Variants in GALNT13 observed in about 807,000 individuals in gnomAD.
GALNT13 encodes polypeptide N-acetylgalactosaminyltransferase 13, also known as UDP-GalNAc:polypeptide N-acetylgalactosaminyltransferase 13.
In GALNT13, 28 loss-of-function variants were observed where a neutral mutation model predicts 64.2. That is an observed-to-expected ratio of 0.44 (90% CI 0.32 to 0.60). The LOEUF (loss-of-function observed/expected upper bound fraction) is 0.60. GALNT13 is among the 20% of genes least tolerant of loss of function. The probability of loss-of-function intolerance (pLI) is 0.05; values close to 1 mark genes in which losing one functional copy is unlikely to be tolerated. For missense variants in GALNT13, 577 were observed against 669.8 expected (o/e 0.86, Z 1.53); for synonymous variants, 214 against 224.6 (o/e 0.95, Z 0.42).
At position 154,140,326 on chromosome 2, in the gene GALNT13, A is replaced by T. The variant is rs370078254; in HGVS notation, c.143-11A>T. ...TTTGTATGTATGTCTGTATCTCTGT[A>T]TGTCTTACAGCTGTTATTTCAAGAA... On this transcript the variant is annotated splice_polypyrimidine_tract_variant and intron_variant, in intron 3 of 12. Coordinates refer to ENST00000392825, the MANE Select transcript of GALNT13 (RefSeq NM_052917.4). 2.5e-6 allele frequency: 4 copies of T among 1,606,044 alleles called. No individual in the cohort carries two copies. The highest frequency in any genetic ancestry group is 3.3e-5 in the Admixed American group (2 of 59,760).
At chr2:153,906,731 C>T in intron 2 of GALNT13, among the ~76,000 whole-genome samples, 1 of 151,644 alleles carries the variant, frequency 6.6e-6, no homozygotes, top group Non-Finnish European at 1.5e-5. Context: ...TTTATAGCAG[C>T]ATGATTTATA....
the GALNT13 span, among the ~76,000 whole-genome samples, chr2:153,102,625 GC>G: frequency 6.6e-6 from 1 of 152,098 alleles, no homozygotes; most frequent in Non-Finnish European, 1.5e-5. Context: ...ACTCAAACTT[GC>G]AACGTTTGAG....
intron 1 of GALNT13, among the ~76,000 whole-genome samples, chr2:153,873,276 G>A (rs1038966471): frequency 6.6e-6 from 1 of 152,186 alleles, no homozygotes; most frequent in African/African-American, 2.4e-5. Context: ...GGGCGCAAGG[G>A]GTTAGAGTGG....
At chr2:153,631,537 T>G in the GALNT13 span, among the ~76,000 whole-genome samples, 2 of 152,270 alleles carry the variant, frequency 1.3e-5, no homozygotes, top group Non-Finnish European at 2.9e-5. Context: ...ATTGTGGTTT[T>G]GATTTGCATT....
At chr2:153,395,011 G>A in the GALNT13 span, among the ~76,000 whole-genome samples, 30 of 152,078 alleles carry the variant, frequency 2.0e-4, no homozygotes, top group Non-Finnish European at 3.5e-4. Context: ...TTGCATTACC[G>A]AGGTCCCTGT....
the GALNT13 span, among the ~76,000 whole-genome samples, chr2:153,436,321 A>G: frequency 1.3e-5 from 2 of 152,172 alleles, no homozygotes. Flanking sequence ...AGACTTTGGT[A>G]TCAGGATGAT....
At chr2:153,302,707 A>G in the GALNT13 span, among the ~76,000 whole-genome samples, 1 of 152,124 alleles carries the variant, frequency 6.6e-6, no homozygotes, top group African/African-American at 2.4e-5. Flanking sequence ...TAAGACTTTA[A>G]TTCATTTTGA....
At chr2:153,747,492 A>G in the GALNT13 span, among the ~76,000 whole-genome samples, 1 of 143,946 alleles carries the variant, frequency 6.9e-6, no homozygotes, top group African/African-American at 2.7e-5. Context: ...CAGTGGAGCA[A>G]TCTTGGGTCG....
chr2:153,835,150 C>T, the GALNT13 span, among the ~76,000 whole-genome samples: 1 of 151,946 alleles, frequency 6.6e-6, no homozygotes, highest in African/African-American at 2.4e-5. Flanking sequence ...TACAGCAAAA[C>T]TTCTTATCCT....
At chr2:153,124,148 A>T in the GALNT13 span, among the ~76,000 whole-genome samples, 1 of 152,214 alleles carries the variant, frequency 6.6e-6, no homozygotes, top group Admixed American at 6.5e-5. Flanking sequence ...CCTCAGTCCA[A>T]CAACCTGCAA....
At chr2:153,293,997 T>G in the GALNT13 span, among the ~76,000 whole-genome samples, 1 of 151,894 alleles carries the variant, frequency 6.6e-6, no homozygotes, top group Non-Finnish European at 1.5e-5. Flanking sequence ...TTGTGGGTTG[T>G]TTTTTTTAGA....
At chr2:153,405,471 A>T in the GALNT13 span, among the ~76,000 whole-genome samples, 1 of 152,140 alleles carries the variant, frequency 6.6e-6, no homozygotes, top group African/African-American at 2.4e-5. Context: ...AGTGAAGGAC[A>T]CTCTGAGCAT....
the GALNT13 span, among the ~76,000 whole-genome samples, chr2:153,095,383 G>A: frequency 6.6e-6 from 1 of 152,162 alleles, no homozygotes; most frequent in African/African-American, 2.4e-5. Context: ...AAAAAGTCAG[G>A]AAACAACAAG....
the GALNT13 span, among the ~76,000 whole-genome samples, chr2:153,079,884 G>T: frequency 6.6e-6 from 1 of 152,186 alleles, no homozygotes; most frequent in Non-Finnish European, 1.5e-5. Context: ...CTATCTCTAA[G>T]AATTGGCTAA....
the GALNT13 span, among the ~76,000 whole-genome samples, chr2:153,752,275 T>TA: frequency 1.3e-5 from 2 of 152,108 alleles, no homozygotes; most frequent in Non-Finnish European, 2.9e-5. Flanking sequence ...ACACCACAGT[T>TA]ACAGTTTTAC....
At chr2:153,822,396 C>T in the GALNT13 span, among the ~76,000 whole-genome samples, 1 of 152,062 alleles carries the variant, frequency 6.6e-6, no homozygotes, top group Non-Finnish European at 1.5e-5. Flanking sequence ...ATAAAGTAGG[C>T]TTTATTCTGG....
At chr2:153,814,465 G>GTAAGTAAATAAA in the GALNT13 span, among the ~76,000 whole-genome samples, 8 of 149,016 alleles carry the variant, frequency 5.4e-5, no homozygotes, top group East Asian at 7.9e-4. Context: ...AAGTAAGTAA[G>GTAAGTAAATAAA]TAAATAAATA....
At chr2:153,307,588 A>T in the GALNT13 span, among the ~76,000 whole-genome samples, 1 of 152,132 alleles carries the variant, frequency 6.6e-6, no homozygotes, top group Non-Finnish European at 1.5e-5. Context: ...TAAAATATGG[A>T]AGTAATATTT....
At chr2:153,262,577 G>C in the GALNT13 span, among the ~76,000 whole-genome samples, 1 of 152,146 alleles carries the variant, frequency 6.6e-6, no homozygotes, top group South Asian at 2.1e-4. Flanking sequence ...GAATCTAGCA[G>C]TACATCAAAA....
Sources: gnomAD v4.1 joint callset for allele counts (sites outside exome capture counted in the v4.1 genomes callset) on GRCh38, gnomAD v4.1.1 for gene constraint, MANE v1.5 for transcripts, NCBI Gene and HGNC (gene_info 2026-07-23, HGNC 2026-07-21) for gene names.